PRKN: variants seen among roughly 807,000 people sequenced by gnomAD.
PRKN encodes E3 ubiquitin-protein ligase parkin.
A neutral mutation model predicts 59.5 loss-of-function variants in PRKN; 56 were observed. The observed-to-expected ratio is 0.94, with a 90% confidence interval of 0.76 to 1.18. The LOEUF (loss-of-function observed/expected upper bound fraction) is 1.18. Ranked by LOEUF, PRKN falls within the 50% of genes most tolerant of loss-of-function variation. The pLI, the probability that PRKN is intolerant of heterozygous loss-of-function variation, is 0.00. For synonymous variants in PRKN, 250 were observed against 222.1 expected, an observed-to-expected ratio of 1.13 and a Z score of -1.12; for missense variants, 657 against 596.4, an observed-to-expected ratio of 1.10 and a Z score of -1.06.
At chr6:161,955,845 T>C (rs530445971) in intron 6 of PRKN, among the ~76,000 whole-genome samples, 2 of 152,282 alleles carry the variant, frequency 1.3e-5, no homozygotes, top group South Asian at 4.1e-4. Flanking sequence ...AGCTAAACTC[T>C]ATCTCAAAAA....
At position 162,091,815 on chromosome 6, in the gene PRKN, C is replaced by A. The variant is rs80326855; in HGVS notation, c.535-37641G>T. On this transcript the variant is annotated intron_variant, in intron 4 of 11. Transcript: ENST00000366898. Reference sequence around the variant, plus strand: ...ATGTTGGGAGGCTGAGGTGGGCGGACCACTTGGGCCCAGGAATTCAAAACT... The same window carrying A: ...ATGTTGGGAGGCTGAGGTGGGCGGAACACTTGGGCCCAGGAATTCAAAACT... 2.7e-3 allele frequency among the ~76,000 whole-genome samples: 409 copies of A among 151,690 alleles called. 3 individuals are homozygous for A. The highest frequency in any genetic ancestry group is 9.4e-3 in the African/African-American group (387 of 41,362).
intron 5 of PRKN, among the ~76,000 whole-genome samples, chr6:161,996,722 T>G (rs1230024405): frequency 6.6e-6 from 1 of 152,146 alleles, no homozygotes; most frequent in East Asian, 1.9e-4. Context: ...TATTCAGCAT[T>G]AGTTAGTATA....
chr6:161,697,043 G>T (rs1160343002), intron 7 of PRKN, among the ~76,000 whole-genome samples: 1 of 152,174 alleles, frequency 6.6e-6, no homozygotes, highest in Non-Finnish European at 1.5e-5. Flanking sequence ...CCCTGGATCT[G>T]GCAGCACCTC....
At chr6:161,465,900 T>C (rs1790441017) in intron 9 of PRKN, among the ~76,000 whole-genome samples, 1 of 152,226 alleles carries the variant, frequency 6.6e-6, no homozygotes, top group African/African-American at 2.4e-5. Flanking sequence ...TTTATTACTT[T>C]TTTTCACTTT....
chr6:162,200,810 T>G (rs749604897), intron 4 of PRKN, among the ~76,000 whole-genome samples: 7 of 152,212 alleles, frequency 4.6e-5, no homozygotes, highest in Non-Finnish European at 8.8e-5. Flanking sequence ...CTAAGGTTCC[T>G]AAATGGTCCC....
rs576706741 is a variant in PRKN at position 161,467,879 on chromosome 6, C to T, written c.1083+80975G>A. On this transcript the variant is annotated intron_variant, in intron 9 of 11. Transcript: ENST00000366898. The surrounding 1 kb of genome is among the most constrained non-coding windows in gnomAD (Gnocchi z 4.3). ...CTCCCTTGTGACCATGGAGGTCCCA[C>T]ACTGTCCGTCAGTTGCATACTTCCA... Among the ~76,000 whole-genome samples the T allele has an allele frequency of 6.6e-6, 1 of 152,168 alleles. No homozygotes were observed. The highest frequency in any genetic ancestry group is 2.4e-5 in the African/African-American group (1 of 41,528).
chr6:161,943,700 G>T (rs1193893018), intron 6 of PRKN, among the ~76,000 whole-genome samples: 1 of 151,150 alleles, frequency 6.6e-6, no homozygotes, highest in Non-Finnish European at 1.5e-5. Flanking sequence ...AATACCCTGA[G>T]GGATCAGCCT....
chr6:162,522,633 G>A (rs974827569), intron 1 of PRKN, among the ~76,000 whole-genome samples: 4 of 152,138 alleles, frequency 2.6e-5, no homozygotes, highest in Admixed American at 1.3e-4. Flanking sequence ...TGATGGGGCA[G>A]GTGAACACCT....
At chr6:162,567,409 A>C (rs1780128867) in intron 1 of PRKN, among the ~76,000 whole-genome samples, 1 of 152,216 alleles carries the variant, frequency 6.6e-6, no homozygotes, top group Non-Finnish European at 1.5e-5. Flanking sequence ...CTGATACCCA[A>C]ATTCAGTAGA....
chr6:161,692,590 A>G (rs918713288), intron 7 of PRKN, among the ~76,000 whole-genome samples: 1 of 152,226 alleles, frequency 6.6e-6, no homozygotes, highest in Admixed American at 6.5e-5. Flanking sequence ...ATAGGATTAG[A>G]AAAAGATAAG....
chr6:161,510,019 C>T (rs1778327210), intron 9 of PRKN, among the ~76,000 whole-genome samples: 1 of 152,112 alleles, frequency 6.6e-6, no homozygotes, highest in Admixed American at 6.5e-5. Flanking sequence ...CCCATGGGCT[C>T]CTGCATTCAT....
intron 1 of PRKN, among the ~76,000 whole-genome samples, chr6:162,541,764 T>C (rs1291123093): frequency 6.6e-6 from 1 of 152,138 alleles, no homozygotes; most frequent in Non-Finnish European, 1.5e-5. Flanking sequence ...GTTAAACAAC[T>C]AGGAGAGAGA....
intron 1 of PRKN, among the ~76,000 whole-genome samples, chr6:162,645,605 C>T (rs1778140590): frequency 1.3e-5 from 2 of 151,734 alleles, no homozygotes; most frequent in Non-Finnish European, 1.5e-5. Flanking sequence ...ACATGAAATG[C>T]TAAGGAAGAA....
At chr6:162,589,523 T>C (rs1781214224) in intron 1 of PRKN, among the ~76,000 whole-genome samples, 1 of 152,190 alleles carries the variant, frequency 6.6e-6, no homozygotes, top group Non-Finnish European at 1.5e-5. Flanking sequence ...GTCTTCCCTT[T>C]TTAAACATTT....
chr6:161,977,533 GTTTTTTTGGTT>G (rs1781078676), intron 5 of PRKN, among the ~76,000 whole-genome samples: 4 of 80,676 alleles, frequency 5.0e-5, no homozygotes, highest in Non-Finnish European at 9.8e-5. Context: ...TCTACTTTCT[GTTTTTTTGGTT>G]TTTTTTTTTT....
chr6:161,803,709 G>A lies in PRKN; in HGVS notation c.735-17801C>T, dbSNP rs115958578. 6.8e-3 allele frequency among the ~76,000 whole-genome samples: 1,032 copies of A among 152,282 alleles called. 14 individuals carry two copies. Among genetic ancestry groups the A allele is most frequent in the African/African-American group, 0.024 (987 of 41,558 alleles). On this transcript the variant is annotated intron_variant, in intron 6 of 11. Coordinates refer to ENST00000366898, the MANE Select transcript of PRKN (RefSeq NM_004562.3). ...ACCAGTGACCTTCTGTACAGTTACC[G>A]ATTTATTAGATGTGTGACCTATTGT...
At position 161,545,884 on chromosome 6, in the gene PRKN, G is replaced by C. The variant is rs913289041; in HGVS notation, c.1083+2970C>G. On this transcript the variant is annotated intron_variant, in intron 9 of 11. Coordinates refer to ENST00000366898, the MANE Select transcript of PRKN (RefSeq NM_004562.3). This position sits in a 1 kb window ranked among gnomAD's most constrained non-coding sequence, Gnocchi z 4.1. ...ACCATGGTTCCTTGTGGAAAAGTCT[G>C]TTGGGATGTCCTGAACCACAGGCAT... Among the ~76,000 whole-genome samples the C allele has an allele frequency of 1.3e-5, 2 of 152,218 alleles. No individual in the cohort carries two copies. Among genetic ancestry groups the C allele is most frequent in the African/African-American group, 4.8e-5 (2 of 41,452 alleles).
intron 6 of PRKN, among the ~76,000 whole-genome samples, chr6:161,888,126 C>T (rs896637208): frequency 2.0e-4 from 31 of 152,108 alleles, no homozygotes; most frequent in Non-Finnish European, 4.4e-5. Context: ...TATTAAATTT[C>T]AAGAAAAATT....
intron 4 of PRKN, among the ~76,000 whole-genome samples, chr6:162,200,292 C>T (rs1784670848): frequency 6.6e-6 from 1 of 152,074 alleles, no homozygotes; most frequent in African/African-American, 2.4e-5. Flanking sequence ...AGCCACCGAG[C>T]CGGAACCTGA....
Sources: allele counts gnomAD v4.1 joint callset (sites outside exome capture counted in the v4.1 genomes callset), GRCh38; gene constraint gnomAD v4.1.1; non-coding constraint Gnocchi (gnomAD v3.1); transcripts MANE v1.5; gene names NCBI Gene and HGNC (gene_info 2026-07-23, HGNC 2026-07-21).